CMSS1: variants seen among roughly 807,000 people sequenced by gnomAD.
CMSS1 encodes the protein cms1 ribosomal small subunit homolog, also known as protein CMSS1.
In CMSS1, 33 loss-of-function variants were observed where a neutral mutation model predicts 43.5. The ratio of observed to expected loss-of-function variants is 0.76; its 90% confidence interval spans 0.57 to 1.01. The LOEUF (loss-of-function observed/expected upper bound fraction) is 1.01, where lower values mean the gene tolerates loss of function less well. Ranked by LOEUF, CMSS1 falls within the 50% of genes least tolerant of loss-of-function variation. The probability of loss-of-function intolerance (pLI) is 0.00; values close to 1 mark genes in which losing one functional copy is unlikely to be tolerated. For missense variants in CMSS1, 313 were observed against 326.4 expected, an observed-to-expected ratio of 0.96 and a Z score of 0.32; for synonymous variants, 115 against 117.2, an observed-to-expected ratio of 0.98 and a Z score of 0.12.
At chr3:99,984,048 A>ATGTGTGTGTGTGTGTGTGTGTG (rs367846393) in intron 1 of CMSS1, among the ~76,000 whole-genome samples, 73,109 of 147,294 alleles carry the variant, frequency 0.5, 18,184 homozygotes, top group East Asian at 0.62. Flanking sequence ...AAGGATGTAT[A>ATGTGTGTGTGTGTGTGTGTGTG]TGTATGTGTG....
At chr3:100,048,433 A>C (rs1265179350) in intron 1 of CMSS1, among the ~76,000 whole-genome samples, 2 of 152,130 alleles carry the variant, frequency 1.3e-5, no homozygotes. Context: ...GAGTAGAGCC[A>C]GCTCTTCCCT....
At chr3:100,141,505 A>G (rs773122296) in intron 1 of CMSS1, 5 of 454,596 alleles carry the variant, frequency 1.1e-5, no homozygotes, top group Non-Finnish European at 1.8e-5. Context: ...TTAAAGAACA[A>G]TTGACTGTAT....
At chr3:99,849,944 C>T (rs1229661593) in intron 1 of CMSS1, 1 of 1,612,808 alleles carries the variant, frequency 6.2e-7, no homozygotes, top group African/African-American at 1.3e-5. Context: ...AGATCATTTC[C>T]TTTCTCTTCT....
At chr3:100,084,762 A>G (rs905347627) in intron 1 of CMSS1, among the ~76,000 whole-genome samples, 4 of 152,224 alleles carry the variant, frequency 2.6e-5, no homozygotes, top group African/African-American at 9.6e-5. Context: ...ATATTTATAA[A>G]TCAAATCATA....
intron 1 of CMSS1, among the ~76,000 whole-genome samples, chr3:99,825,256 A>G (rs191592285): frequency 6.6e-6 from 1 of 152,346 alleles, no homozygotes; most frequent in Admixed American, 6.5e-5. Flanking sequence ...TAGACACTGT[A>G]CCAGAATTAG....
At chr3:99,953,424 G>A (rs1224216654) in intron 1 of CMSS1, among the ~76,000 whole-genome samples, 1 of 152,146 alleles carries the variant, frequency 6.6e-6, no homozygotes, top group Non-Finnish European at 1.5e-5. Context: ...TTCTGAGGGT[G>A]CAGTTTGAGG....
chr3:100,015,240 C>T (rs1710307598), intron 1 of CMSS1, among the ~76,000 whole-genome samples: 1 of 151,854 alleles, frequency 6.6e-6, no homozygotes, highest in Admixed American at 6.6e-5. Flanking sequence ...CTGTTATGTT[C>T]CCTTGGATTA....
chr3:100,087,066 A>G (rs1179329720), intron 1 of CMSS1, among the ~76,000 whole-genome samples: 6 of 152,222 alleles, frequency 3.9e-5, no homozygotes, highest in Non-Finnish European at 8.8e-5. Context: ...ATGTGCTGTC[A>G]TACAGCTGTA....
intron 1 of CMSS1, among the ~76,000 whole-genome samples, chr3:99,836,557 C>T (rs186872444): frequency 6.6e-5 from 10 of 152,218 alleles, no homozygotes; most frequent in East Asian, 5.8e-4. Context: ...ACTCAACTGC[C>T]GCTCTTTTCT....
At chr3:100,012,210 A>G (rs1710176793) in intron 1 of CMSS1, among the ~76,000 whole-genome samples, 1 of 152,192 alleles carries the variant, frequency 6.6e-6, no homozygotes, top group Admixed American at 6.5e-5. Context: ...AGGATAAAAT[A>G]TCTAAAATTA....
intron 1 of CMSS1, among the ~76,000 whole-genome samples, chr3:99,978,021 A>C (rs1217033464): frequency 1.3e-5 from 2 of 152,214 alleles, no homozygotes; most frequent in African/African-American, 4.8e-5. Context: ...GAAGTTCCTC[A>C]TAATTCCACC....
At chr3:99,969,539 T>C (rs995800264) in intron 1 of CMSS1, among the ~76,000 whole-genome samples, 1 of 152,128 alleles carries the variant, frequency 6.6e-6, no homozygotes, top group African/African-American at 2.4e-5. Context: ...AGTGAAAGAA[T>C]GGTTGAAGTA....
At chr3:100,013,723 TTGAC>T (rs1710234174) in intron 1 of CMSS1, among the ~76,000 whole-genome samples, 1 of 152,202 alleles carries the variant, frequency 6.6e-6, no homozygotes, top group Non-Finnish European at 1.5e-5. Context: ...ATTGTGTACA[TTGAC>T]TGTGTACAAT....
intron 3 of CMSS1, among the ~76,000 whole-genome samples, chr3:100,160,727 A>G (rs193178217): frequency 3.9e-5 from 6 of 152,298 alleles, no homozygotes; most frequent in East Asian, 3.9e-4. Context: ...TGGAGTGCCA[A>G]ATATCTTTGT....
At chr3:99,959,632 C>A (rs537476634) in intron 1 of CMSS1, among the ~76,000 whole-genome samples, 1 of 152,096 alleles carries the variant, frequency 6.6e-6, no homozygotes, top group South Asian at 2.1e-4. Context: ...AATCTGTAGA[C>A]CAAAATGCTA....
intron 1 of CMSS1, among the ~76,000 whole-genome samples, chr3:99,970,701 G>A (rs1708787719): frequency 6.6e-6 from 1 of 152,206 alleles, no homozygotes; most frequent in African/African-American, 2.4e-5. Context: ...TATGGGATAT[G>A]AACTGGGCTG....
chr3:99,819,544 T>G (rs1049224655), intron 1 of CMSS1, among the ~76,000 whole-genome samples: 7 of 152,170 alleles, frequency 4.6e-5, no homozygotes, highest in African/African-American at 1.7e-4. Flanking sequence ...TTCATTTGTA[T>G]AGGTGAAGAA....
intron 1 of CMSS1, among the ~76,000 whole-genome samples, chr3:100,019,444 T>C (rs2064764762): frequency 6.6e-6 from 1 of 152,210 alleles, no homozygotes; most frequent in African/African-American, 2.4e-5. Context: ...AAATTAATAA[T>C]AAGTGATGAC....
chr3:99,873,793 C>CTGTTACTA, intron 1 of CMSS1, among the ~76,000 whole-genome samples: 1 of 152,276 alleles, frequency 6.6e-6, no homozygotes, highest in South Asian at 2.1e-4. Context: ...TTCATACTGG[C>CTGTTACTA]TGTTACTATA....
Sources: gnomAD v4.1 joint callset for allele counts (sites outside exome capture counted in the v4.1 genomes callset) on GRCh38, gnomAD v4.1.1 for gene constraint, MANE v1.5 for transcripts, NCBI Gene and HGNC (gene_info 2026-07-23, HGNC 2026-07-21) for gene names.